TNFRSF10B: variants seen among roughly 807,000 people sequenced by gnomAD.
TNFRSF10B encodes TNF receptor superfamily member 10b.
In TNFRSF10B, 35 loss-of-function variants were observed where a neutral mutation model predicts 41.4. That is an observed-to-expected ratio of 0.85 (90% CI 0.65 to 1.12). TNFRSF10B has a LOEUF of 1.12. Ranked by LOEUF, TNFRSF10B falls within the 50% of genes most tolerant of loss-of-function variation. The pLI is 0.00. For synonymous variants in TNFRSF10B, 230 were observed against 215.5 expected (o/e 1.07, Z -0.59); for missense variants, 584 against 552.7 (o/e 1.06, Z -0.57).
Position 23,029,721 on chromosome 8 carries a change from C to G in TNFRSF10B, c.365G>C (p.Gly122Ala), listed in dbSNP as rs1811823450. The change falls in exon 4 of 9, where the codon GGT (glycine) becomes GCT (alanine). Residue 122 changes from glycine (G) to alanine (A), a missense_variant and splice_region_variant. Transcript: ENST00000276431. ...GGTGCAGGGACTTAGCTCCACTTCA[C>G]CTGACGACAGAGCATAAGGTTTTGG... ...FCLRCTRCDS[G>A]EVELSPCTTT... The G allele has an allele frequency of 6.2e-7, 1 of 1,613,040 alleles. No individual in the cohort carries two copies. The highest frequency in any genetic ancestry group is 8.5e-7 in the Non-Finnish European group (1 of 1,179,622).
Position 23,055,647 on chromosome 8 carries a change from C to A in TNFRSF10B, c.145-12404G>T, listed in dbSNP as rs148623615. Among the ~76,000 whole-genome samples the A allele has an allele frequency of 1.1e-3, 160 of 151,368 alleles. 4 individuals are homozygous for A. The East Asian group carries it at 0.023, about 22-fold the overall frequency. ...GACAAAATAATGGAGGAATTCATAA[C>A]AGGACCCATTTAGGATTAAACAAGT... On this transcript the variant is annotated intron_variant, in intron 1 of 8. Transcript: ENST00000276431.
intron 1 of TNFRSF10B, among the ~76,000 whole-genome samples, chr8:23,049,150 G>T (rs980538558): frequency 6.6e-6 from 1 of 152,138 alleles, no homozygotes; most frequent in Admixed American, 6.5e-5. Flanking sequence ...AAACAGTATC[G>T]TGGCAGGCCA....
rs147041979 is a variant in TNFRSF10B at position 23,045,355 on chromosome 8, G to A, written c.145-2112C>T. Among the ~76,000 whole-genome samples, 1,385 of 152,230 alleles carry A rather than the reference G, an allele frequency of 9.1e-3. 59 individuals carry two copies. Among genetic ancestry groups the A allele is most frequent in the Admixed American group, 0.071 (1,089 of 15,278 alleles). ...CCCGGAAGAAATGGATAAATTTCTAGACACATACAACCTACCAATACTGAA... is the reference window on the plus strand; with the variant it reads ...CCCGGAAGAAATGGATAAATTTCTAAACACATACAACCTACCAATACTGAA... On this transcript the variant is annotated intron_variant, in intron 1 of 8. Transcript: ENST00000276431.
rs1485010505 is a variant in TNFRSF10B at position 23,029,777 on chromosome 8, C to T, written c.365-56G>A. On this transcript the variant is annotated intron_variant, in intron 3 of 8. Coordinates refer to ENST00000276431, the MANE Select transcript of TNFRSF10B (RefSeq NM_003842.5). Reference sequence around the variant, plus strand: ...TGTTTTCCTGATGTGTCCCTTGACCCTTCCTCCCCACCCCAAGACCCTGCT... The same window carrying T: ...TGTTTTCCTGATGTGTCCCTTGACCTTTCCTCCCCACCCCAAGACCCTGCT... 3.3e-6 allele frequency: 5 copies of T among 1,535,904 alleles called. No homozygotes were observed. The Admixed American group carries it at 9.2e-5, about 28-fold the overall frequency.
intron 1 of TNFRSF10B, among the ~76,000 whole-genome samples, chr8:23,067,658 A>G (rs1368153974): frequency 6.6e-6 from 1 of 152,196 alleles, no homozygotes; most frequent in African/African-American, 2.4e-5. Flanking sequence ...CCCTCCACTC[A>G]GAGGTGAGAC....
intron 2 of TNFRSF10B, among the ~76,000 whole-genome samples, chr8:23,035,029 A>G (rs1563311383): frequency 6.6e-6 from 1 of 152,366 alleles, no homozygotes; most frequent in East Asian, 1.9e-4. Flanking sequence ...ACCTGTCAAT[A>G]AAGACTCCCA....
At chr8:23,036,241 A>C (rs1344995040) in intron 2 of TNFRSF10B, among the ~76,000 whole-genome samples, 1 of 152,252 alleles carries the variant, frequency 6.6e-6, no homozygotes, top group Non-Finnish European at 1.5e-5. Context: ...AAGTTTGGGC[A>C]CATACAGCCT....
At chr8:23,055,033 C>T (rs1812624548) in intron 1 of TNFRSF10B, among the ~76,000 whole-genome samples, 1 of 152,118 alleles carries the variant, frequency 6.6e-6, no homozygotes, top group African/African-American at 2.4e-5. Context: ...TTCTAGTCTT[C>T]CTCGATGTTT....
At chr8:23,048,435 G>A (rs4541923) in intron 1 of TNFRSF10B, among the ~76,000 whole-genome samples, 1 of 127,514 alleles carries the variant, frequency 7.8e-6, no homozygotes, top group African/African-American at 3.2e-5. Context: ...AAATTTTTGT[G>A]TCAAAAAAAA....
chr8:23,033,826 C>T (rs1298448454), intron 2 of TNFRSF10B, among the ~76,000 whole-genome samples: 1 of 151,904 alleles, frequency 6.6e-6, no homozygotes, highest in Non-Finnish European at 1.5e-5. Context: ...AGAGAGCGAG[C>T]AAGCGAGAGA....
chr8:23,036,199 T>G (rs889185098), intron 2 of TNFRSF10B, among the ~76,000 whole-genome samples: 3 of 152,236 alleles, frequency 2.0e-5, no homozygotes, highest in African/African-American at 7.2e-5. Flanking sequence ...CTGCTCATCG[T>G]GAACTGAGTG....
rs548207030 is a variant in TNFRSF10B at position 23,058,216 on chromosome 8, C to T, written c.144+10535G>A. ...GAGCTGACATCTCGCCACTGCACTC[C>T]AGCCTGGGTAATAGACCAAGACTCT... On this transcript the variant is annotated intron_variant, in intron 1 of 8. Transcript: ENST00000276431. Among the ~76,000 whole-genome samples the T allele has an allele frequency of 7.9e-5, 12 of 152,284 alleles. No homozygotes were observed. In the East Asian group the frequency reaches 2.1e-3, roughly 27 times the overall value.
chr8:23,056,860 C>T (rs766772323), intron 1 of TNFRSF10B, among the ~76,000 whole-genome samples: 1 of 151,848 alleles, frequency 6.6e-6, no homozygotes, highest in African/African-American at 2.4e-5. Flanking sequence ...GATCAGAGAA[C>T]ATATATGAGT....
chr8:23,058,490 GCTT>G (rs1450204455), intron 1 of TNFRSF10B, among the ~76,000 whole-genome samples: 1 of 129,548 alleles, frequency 7.7e-6, no homozygotes, highest in Non-Finnish European at 1.7e-5. Context: ...TTGTGTATTG[GCTT>G]TTTTTTTTTC....
intron 2 of TNFRSF10B, among the ~76,000 whole-genome samples, chr8:23,033,803 GA>G (rs948651817): frequency 2.6e-5 from 4 of 151,952 alleles, no homozygotes; most frequent in East Asian, 1.9e-4. Flanking sequence ...CACACCAGAA[GA>G]GGGGGGGAGA....
chr8:23,066,097 A>G (rs888026687), intron 1 of TNFRSF10B, among the ~76,000 whole-genome samples: 5 of 152,198 alleles, frequency 3.3e-5, no homozygotes, highest in African/African-American at 9.6e-5. Flanking sequence ...AGCCTGGGCA[A>G]CATGGTGAAA....
chr8:23,055,521 T>TTAAA lies in TNFRSF10B; in HGVS notation c.145-12279_145-12278insTTTA, dbSNP rs1554510887. On this transcript the variant is annotated intron_variant, in intron 1 of 8. Coordinates refer to ENST00000276431, the MANE Select transcript of TNFRSF10B (RefSeq NM_003842.5). ...GTGCTTAAGTTAACTATTAAATGCTTAAAAAAAAAAAAAAAAAAGCCAGTG... is the reference window on the plus strand; with the variant it reads ...GTGCTTAAGTTAACTATTAAATGCTTTAAAAAAAAAAAAAAAAAAAAAGCCAGTG... Among the ~76,000 whole-genome samples the TTAAA allele has an allele frequency of 4.1e-5, 5 of 120,544 alleles. 1 individual carries two copies. Among genetic ancestry groups the TTAAA allele is most frequent in the African/African-American group, 3.1e-5 (1 of 32,536 alleles). 79.1% of individuals were successfully genotyped at this position (120,544 alleles called of 152,430 possible).
intron 1 of TNFRSF10B, among the ~76,000 whole-genome samples, chr8:23,058,045 G>A (rs780834636): frequency 5.3e-5 from 8 of 152,252 alleles, no homozygotes; most frequent in South Asian, 2.1e-4. Context: ...TCAGGAGTTC[G>A]AGACCAGACT....
rs1028746607 is a variant in TNFRSF10B, at chr8:23,020,375, A to G, written c.*2296T>C. The G allele has an allele frequency of 8.8e-6, 4 of 453,890 alleles. No homozygotes were observed. Among genetic ancestry groups the G allele is most frequent in the African/African-American group, 6.0e-5 (3 of 49,968 alleles). The allele number at this position is 453,890 out of a possible 1,614,324, so 28.1% of individuals were successfully genotyped here. A position where few individuals can be genotyped will look rare whatever the true frequency, so the allele number is the denominator to read the frequency against. On this transcript the variant is annotated 3_prime_UTR_variant, in exon 9 of 9. Transcript: ENST00000276431. ...TAACTAAACAACAAAACCCCCAATT[A>G]TTTCATGTCGTCAGGAAGCTTACTT...
Sources: gnomAD v4.1 joint callset for allele counts (sites outside exome capture counted in the v4.1 genomes callset) on GRCh38, gnomAD v4.1.1 for gene constraint, MANE v1.5 for transcripts, NCBI Gene and HGNC (gene_info 2026-07-23, HGNC 2026-07-21) for gene names.